Variants in TENT5D observed in about 807,000 individuals in gnomAD.
TENT5D encodes cancer/testis antigen 112.
For synonymous variants in TENT5D, 103 were observed against 100.6 expected, an observed-to-expected ratio of 1.02 and a Z score of -0.15; for missense variants, 191 against 287.0, an observed-to-expected ratio of 0.67 and a Z score of 2.42.
chrX:80,421,176 G>A (rs752949074), intron 1 of TENT5D, among the ~76,000 whole-genome samples: 1 of 110,275 alleles, frequency 9.1e-6, no homozygotes, highest in South Asian at 3.9e-4. Context: ...TATCTCATTT[G>A]TATAGTTTTT....
intron 1 of TENT5D, among the ~76,000 whole-genome samples, chrX:80,434,161 G>A (rs1352530664): frequency 2.3e-5 from 2 of 87,504 alleles, no homozygotes; most frequent in Non-Finnish European, 4.7e-5. Flanking sequence ...AAAAAAAAAA[G>A]GGAAATGGAG....
rs183270303 is a variant in TENT5D, at chrX:80,359,034, C to T, written c.-142+16470C>T. On this transcript the variant is annotated intron_variant, in intron 3 of 4. Coordinates refer to the TENT5D transcript ENST00000538312. ...TTCTCAAAAGTAAACATTTATGCTG[C>T]CAACAAACATATGAAAAAAAGCTCA... Among the ~76,000 whole-genome samples, 913 of 111,861 alleles carry T rather than the reference C, an allele frequency of 8.2e-3. 7 individuals carry two copies. Among genetic ancestry groups the T allele is most frequent in the African/African-American group, 0.028 (864 of 30,753 alleles).
chrX:80,404,998 A>G lies in TENT5D; in HGVS notation c.-141-33612A>G, dbSNP rs1371085356. ...CTGCAGTGCACAGAATATTGTTGGA[A>G]GGAAACACTTCCTTTAGACCTTTAA... On this transcript the variant is annotated intron_variant, in intron 3 of 4. Transcript: ENST00000538312. Among the ~76,000 whole-genome samples, 6 of 112,105 alleles carry G rather than the reference A, an allele frequency of 5.4e-5. No homozygotes were observed. In the East Asian group the frequency reaches 8.4e-4, roughly 16 times the overall value.
intron 3 of TENT5D, among the ~76,000 whole-genome samples, chrX:80,381,288 C>G (rs1930861607): frequency 8.9e-6 from 1 of 111,941 alleles, no homozygotes; most frequent in African/African-American, 3.2e-5. Flanking sequence ...ATATTGGCCC[C>G]CACTCTCTTC....
At chrX:80,384,687 G>T (rs1456626412) in intron 3 of TENT5D, among the ~76,000 whole-genome samples, 3 of 103,483 alleles carry the variant, frequency 2.9e-5, no homozygotes. Context: ...CATTGTCTCA[G>T]CCCAAAATCT....
At chrX:80,352,137 T>C (rs1055314781) in intron 3 of TENT5D, among the ~76,000 whole-genome samples, 1 of 112,263 alleles carries the variant, frequency 8.9e-6, no homozygotes. Context: ...AGGGACCCAC[T>C]TGAGGAGGCA....
chrX:80,365,533 A>C (rs751154875), intron 3 of TENT5D, among the ~76,000 whole-genome samples: 95 of 111,417 alleles, frequency 8.5e-4, no homozygotes, highest in Admixed American at 7.9e-3. Context: ...TCCCAGAAAT[A>C]TAGGAGTCCA....
intron 2 of TENT5D, among the ~76,000 whole-genome samples, chrX:80,339,872 T>TATATATAG (rs1556039069): frequency 9.6e-6 from 1 of 103,913 alleles, no homozygotes; most frequent in Non-Finnish European, 2.0e-5. Context: ...TATATATATA[T>TATATATAG]AGAGAGAGAG....
intron 2 of TENT5D, among the ~76,000 whole-genome samples, chrX:80,336,851 A>G (rs769593476): frequency 1.8e-5 from 2 of 112,336 alleles, no homozygotes; most frequent in Admixed American, 1.9e-4. Flanking sequence ...GTAAAATTAA[A>G]ATCTGAAGAT....
At position 80,376,700 on chromosome X, in the gene TENT5D, T is replaced by G. The variant is rs185396966; in HGVS notation, c.-142+34136T>G. Among the ~76,000 whole-genome samples, 243 of 111,635 alleles carry G rather than the reference T, an allele frequency of 2.2e-3. 2 individuals carry two copies. The highest frequency in any genetic ancestry group is 7.7e-3 in the African/African-American group (239 of 30,885). On this transcript the variant is annotated intron_variant, in intron 3 of 4. Coordinates refer to the TENT5D transcript ENST00000538312. The stretch of plus-strand genomic sequence containing the variant: ...TGTATGTATATTCAAGGAATAAAAT[T>G]TAATCTTATATTCTCTAATCAGAAA...
At chrX:80,395,618 T>G (rs776953907) in intron 3 of TENT5D, among the ~76,000 whole-genome samples, 2 of 111,262 alleles carry the variant, frequency 1.8e-5, no homozygotes, top group African/African-American at 6.5e-5. Flanking sequence ...GATAGTGATA[T>G]CTCAATACAT....
At chrX:80,335,607 A>G (rs1193838312) in intron 1 of TENT5D, 1 of 110,680 alleles carries the variant, frequency 9.0e-6, no homozygotes, top group Non-Finnish European at 1.9e-5. Flanking sequence ...CTTTTGTCCT[A>G]CTCCAAAGTC....
chrX:80,386,365 T>C (rs1177477867), intron 3 of TENT5D, among the ~76,000 whole-genome samples: 1 of 110,156 alleles, frequency 9.1e-6, no homozygotes, highest in South Asian at 3.9e-4. Context: ...ATGAGAACCC[T>C]TGGACACAGG....
chrX:80,352,817 G>T (rs1261552635), intron 3 of TENT5D, among the ~76,000 whole-genome samples: 1 of 110,272 alleles, frequency 9.1e-6, no homozygotes. Context: ...GGCTCTGATG[G>T]TAGAGGCACA....
At chrX:80,338,695 A>T (rs1160699919) in intron 2 of TENT5D, among the ~76,000 whole-genome samples, 1 of 112,362 alleles carries the variant, frequency 8.9e-6, no homozygotes, top group Admixed American at 9.4e-5. Context: ...TTTTAAGATG[A>T]TCAGAAAATT....
intron 3 of TENT5D, among the ~76,000 whole-genome samples, chrX:80,377,242 T>G (rs1930748061): frequency 8.9e-6 from 1 of 111,845 alleles, no homozygotes; most frequent in African/African-American, 3.2e-5. Context: ...AACAGTACTT[T>G]TTGAAAATTA....
At chrX:80,337,793 A>G (rs1485279984) in intron 2 of TENT5D, among the ~76,000 whole-genome samples, 4 of 109,762 alleles carry the variant, frequency 3.6e-5, no homozygotes, top group Non-Finnish European at 7.6e-5. Flanking sequence ...TTGGAGTTGG[A>G]GTCTCGCTCT....
chrX:80,386,570 TAAA>T (rs1407415662), intron 3 of TENT5D, among the ~76,000 whole-genome samples: 1 of 110,745 alleles, frequency 9.0e-6, no homozygotes, highest in Non-Finnish European at 1.9e-5. Flanking sequence ...AAAATAAAAA[TAAA>T]AAATCTAAAA....
chrX:80,441,054 A>C (rs1217055000), intron 2 of TENT5D, among the ~76,000 whole-genome samples: 1 of 111,371 alleles, frequency 9.0e-6, no homozygotes, highest in East Asian at 2.8e-4. Flanking sequence ...TAGATAAATT[A>C]CCAAATTCTG....
Sources: allele counts gnomAD v4.1 joint callset (sites outside exome capture counted in the v4.1 genomes callset), GRCh38; gene constraint gnomAD v4.1.1; transcripts MANE v1.5; gene names NCBI Gene and HGNC (gene_info 2026-07-23, HGNC 2026-07-21).